PLD5: variants seen among roughly 807,000 people sequenced by gnomAD.
PLD5 encodes the protein phospholipase D family member 5.
PLD5 carries 36 observed loss-of-function variants against 61.1 expected under a neutral mutation model. The observed-to-expected ratio is 0.59, with a 90% confidence interval of 0.45 to 0.78. PLD5 has a LOEUF of 0.78. Among genes scored for constraint, PLD5 ranks in the 30% least tolerant of loss-of-function variants. PLD5 has a pLI of 0.00. For missense variants in PLD5, 515 were observed against 644.4 expected (o/e 0.80, Z 2.17); for synonymous variants, 243 against 242.8 (o/e 1.00, Z -0.01).
intron 1 of PLD5, among the ~76,000 whole-genome samples, chr1:242,465,562 C>T (rs1359917331): frequency 6.6e-6 from 1 of 152,226 alleles, no homozygotes; most frequent in Non-Finnish European, 1.5e-5. Context: ...TCCCCTCTTC[C>T]ATTTATTCTA....
intron 1 of PLD5, among the ~76,000 whole-genome samples, chr1:242,359,548 T>C (rs1349786579): frequency 6.6e-6 from 1 of 152,214 alleles, no homozygotes; most frequent in African/African-American, 2.4e-5. Context: ...GAGTGAAGAC[T>C]GGGGCCAATT....
intron 1 of PLD5, among the ~76,000 whole-genome samples, chr1:242,432,442 G>A (rs1377992602): frequency 6.6e-6 from 1 of 152,220 alleles, no homozygotes; most frequent in Non-Finnish European, 1.5e-5. Context: ...TGTAATATGG[G>A]AGGGGCCTTC....
chr1:242,415,129 C>T (rs995260307), intron 1 of PLD5, among the ~76,000 whole-genome samples: 3 of 152,162 alleles, frequency 2.0e-5, no homozygotes, highest in Non-Finnish European at 2.9e-5. Context: ...GGGAAATAGT[C>T]GTTGCAATGT....
chr1:242,145,952 A>T (rs980467961), intron 5 of PLD5, among the ~76,000 whole-genome samples: 7 of 152,362 alleles, frequency 4.6e-5, no homozygotes, highest in Non-Finnish European at 8.8e-5. Context: ...TTGGGATTAC[A>T]GGCGTGAGCC....
At chr1:242,176,115 C>A (rs1192980710) in intron 5 of PLD5, among the ~76,000 whole-genome samples, 1 of 152,138 alleles carries the variant, frequency 6.6e-6, no homozygotes, top group Non-Finnish European at 1.5e-5. Context: ...CAAAAAAGAG[C>A]CCGCATAGCC....
intron 4 of PLD5, chr1:242,235,434 C>T (rs1671575041): frequency 6.6e-6 from 1 of 152,148 alleles, no homozygotes; most frequent in Non-Finnish European, 1.5e-5. Context: ...CAGCAGAAAG[C>T]TCAGTGTATA....
chr1:242,494,211 G>A (rs1322852413), intron 1 of PLD5, among the ~76,000 whole-genome samples: 1 of 151,362 alleles, frequency 6.6e-6, no homozygotes, highest in African/African-American at 2.4e-5. Context: ...GGGCCAAATG[G>A]CACTCACATC....
At chr1:242,333,447 G>A (rs957722788) in intron 2 of PLD5, among the ~76,000 whole-genome samples, 3 of 152,112 alleles carry the variant, frequency 2.0e-5, no homozygotes, top group Non-Finnish European at 2.9e-5. Context: ...TGTCTTCTGG[G>A]CAACGCCTCT....
At chr1:242,224,969 T>C (rs139742235) in intron 4 of PLD5, among the ~76,000 whole-genome samples, 5 of 152,350 alleles carry the variant, frequency 3.3e-5, no homozygotes, top group African/African-American at 1.2e-4. Context: ...AGTATCTTCC[T>C]CTTCAAACCC....
At chr1:242,195,586 T>C (rs1668589946) in intron 5 of PLD5, among the ~76,000 whole-genome samples, 2 of 152,226 alleles carry the variant, frequency 1.3e-5, no homozygotes, top group African/African-American at 4.8e-5. Flanking sequence ...ATTTTCCATC[T>C]GTTTTGGATG....
rs74844480 is a variant in PLD5 at position 242,403,822 on chromosome 1, G to A, written c.190-55580C>T. Among the ~76,000 whole-genome samples the A allele has an allele frequency of 4.7e-4, 72 of 152,222 alleles. No homozygotes were observed. The East Asian group carries it at 0.01, about 22-fold the overall frequency. On this transcript the variant is annotated intron_variant, in intron 1 of 9. Coordinates refer to ENST00000536534, the MANE Select transcript of PLD5 (RefSeq NM_001372062.1). Reference sequence around the variant, plus strand: ...GTGGGACCCTCAGTAACATTCAATGGAAGGGCTTTTCCTCCTTTTCTGCCT... The same window carrying A: ...GTGGGACCCTCAGTAACATTCAATGAAAGGGCTTTTCCTCCTTTTCTGCCT...
chr1:242,270,520 A>G (rs1242736222), intron 3 of PLD5, among the ~76,000 whole-genome samples: 2 of 152,138 alleles, frequency 1.3e-5, no homozygotes, highest in East Asian at 3.9e-4. Flanking sequence ...AAAGTCGGAA[A>G]AGGAAGGGGT....
chr1:242,351,529 T>C (rs1660478298), intron 1 of PLD5, among the ~76,000 whole-genome samples: 1 of 152,152 alleles, frequency 6.6e-6, no homozygotes, highest in Non-Finnish European at 1.5e-5. Context: ...ACACACTCTC[T>C]TGCCTGCCCC....
At chr1:242,471,728 A>G (rs545942863) in intron 1 of PLD5, among the ~76,000 whole-genome samples, 88 of 152,300 alleles carry the variant, frequency 5.8e-4, no homozygotes, top group Non-Finnish European at 2.9e-5. Flanking sequence ...GATTCCTAAA[A>G]CAGAGTTTTA....
Position 242,090,128 on chromosome 1 carries a change from AATAATGTTGAGG to A in PLD5, c.1355-30_1355-19del. The stretch of plus-strand genomic sequence containing the variant: ...AAAATTTCCTGCAAACAAACAAAGA[AATAATGTTGAGG>A]AGTTAGAGTCCACTGGGAACATACC... On this transcript the variant is annotated intron_variant, in intron 9 of 9. Coordinates refer to ENST00000536534, the MANE Select transcript of PLD5 (RefSeq NM_001372062.1). 6.2e-7 allele frequency: 1 copy of A among 1,613,300 alleles called. No individual in the cohort carries two copies. The highest frequency in any genetic ancestry group is 8.5e-7 in the Non-Finnish European group (1 of 1,179,298).
chr1:242,197,657 C>T (rs1195903255), intron 5 of PLD5, among the ~76,000 whole-genome samples: 12 of 147,508 alleles, frequency 8.1e-5, no homozygotes, highest in South Asian at 4.3e-4. Context: ...TTTTCTGAGA[C>T]GGAGCCTTGC....
At chr1:242,111,650 G>A (rs1419925978) in intron 7 of PLD5, among the ~76,000 whole-genome samples, 1 of 152,032 alleles carries the variant, frequency 6.6e-6, no homozygotes, top group Non-Finnish European at 1.5e-5. Context: ...CTCCTGAAAA[G>A]CTTTTCTGGG....
intron 2 of PLD5, among the ~76,000 whole-genome samples, chr1:242,318,445 G>T (rs1220777897): frequency 2.0e-5 from 3 of 152,184 alleles, no homozygotes; most frequent in Non-Finnish European, 2.9e-5. Flanking sequence ...TGCCAGACAA[G>T]TGTGCTGACG....
chr1:242,388,762 C>A (rs1043862227), intron 1 of PLD5, among the ~76,000 whole-genome samples: 1 of 151,968 alleles, frequency 6.6e-6, no homozygotes, highest in Non-Finnish European at 1.5e-5. Flanking sequence ...CAAGACCAGC[C>A]TGGCCAGGAT....
Sources: allele counts gnomAD v4.1 joint callset (sites outside exome capture counted in the v4.1 genomes callset), GRCh38; gene constraint gnomAD v4.1.1; transcripts MANE v1.5; gene names NCBI Gene and HGNC (gene_info 2026-07-23, HGNC 2026-07-21).